ZNF211: variants seen among roughly 807,000 people sequenced by gnomAD.
ZNF211 encodes the protein zinc finger protein 211, also known as zinc finger protein C2H2-25.
Under a neutral mutation model 12.1 loss-of-function variants are expected in ZNF211, and 18 were observed. The ratio of observed to expected loss-of-function variants is 1.48; its 90% CI spans 1.03 to 2.20. The LOEUF is 2.20. ZNF211 is among the 30% of genes most tolerant of loss of function. ZNF211 has a pLI of 0.00. For missense variants in ZNF211, 677 were observed against 703.1 expected (o/e 0.96, Z 0.42); for synonymous variants, 249 against 246.0 (o/e 1.01, Z -0.11).
rs1470157485 is a variant in ZNF211, at chr19:57,641,846, G to A, written c.1399G>A (p.Val467Met). The A allele has an allele frequency of 1.9e-6, 3 of 1,614,066 alleles. No individual in the cohort carries two copies. Among genetic ancestry groups the A allele is most frequent in the Non-Finnish European group, 1.7e-6 (2 of 1,180,036 alleles). ...RKVHTGERPY[V>M]CGECGKSFSH... ...AGTCCACACAGGGGAAAGGCCTTAT[G>A]TGTGTGGGGAATGTGGGAAATCCTT... The change falls in exon 4 of 4, where the codon GTG becomes ATG. Residue 467 changes from valine to methionine, a missense_variant. By Grantham distance (21) the Val-to-Met change is conservative. Transcript: ENST00000240731.
Position 57,633,811 on chromosome 19 carries a change from A to G in ZNF211, c.91-212A>G, listed in dbSNP as rs780270696. The G allele has an allele frequency of 3.2e-6, 5 of 1,571,824 alleles. 1 individual carries two copies. The highest frequency in any genetic ancestry group is 2.3e-5 in the East Asian group (1 of 43,616). On this transcript the variant is annotated intron_variant, in intron 1 of 3. Transcript: ENST00000240731. Reference sequence around the variant, plus strand: ...GCTGTTCAGTGGAAGAAAAGACTTTAGAGATGGATGAGGACGTTGAGGCAG... The same window carrying G: ...GCTGTTCAGTGGAAGAAAAGACTTTGGAGATGGATGAGGACGTTGAGGCAG...
In ZNF211 at chr19:57,641,121, C is replaced by T. The variant is rs1426665828; in HGVS notation, c.674C>T (p.Pro225Leu). 3.0e-5 allele frequency: 49 copies of T among 1,614,026 alleles called. No homozygotes were observed. The highest frequency in any genetic ancestry group is 4.0e-5 in the Non-Finnish European group (47 of 1,180,018). The change falls in exon 4 of 4, where the codon CCA becomes CTA. Residue 225 changes from proline (P) to leucine (L), a missense_variant. Physicochemically the swap from Pro to Leu is moderately conservative, Grantham distance 98 (BLOSUM62 -3). Coordinates refer to ENST00000240731, the MANE Select transcript of ZNF211 (RefSeq NM_006385.5). Reference sequence around the variant, plus strand: ...GACGCCACTCAAACAGGGGAGAAGCCAAATAACAGTAACAAGTGTGCGGTG... The same window carrying T: ...GACGCCACTCAAACAGGGGAGAAGCTAAATAACAGTAACAAGTGTGCGGTG... ...HQDATQTGEKPNNSNKCAVAF... is the reference protein window; with the variant it reads ...HQDATQTGEKLNNSNKCAVAF...
rs965487921 is a variant in ZNF211, at chr19:57,641,157, G to C, written c.710G>C (p.Ser237Thr). 6.2e-7 allele frequency: 1 copy of C among 1,614,080 alleles called. No individual in the cohort carries two copies. The highest frequency in any genetic ancestry group is 1.3e-5 in the African/African-American group (1 of 74,940). The stretch of plus-strand genomic sequence containing the variant: ...AACAAGTGTGCGGTGGCCTTTTACA[G>C]TGGAAAAAGTCATCACAACTGGGGA... Reference protein sequence around the residue: ...NSNKCAVAFYSGKSHHNWGKC... With the variant: ...NSNKCAVAFYTGKSHHNWGKC... Residue 237 changes from serine (S) to threonine (T), a missense_variant, in exon 4 of 4, where the codon AGT becomes ACT. Physicochemically the swap from Ser to Thr is moderately conservative, Grantham distance 58. Transcript: ENST00000240731.
chr19:57,633,538 G>A lies in ZNF211; in HGVS notation c.90+102G>A, dbSNP rs938251406. On this transcript the variant is annotated intron_variant, in intron 1 of 3. Coordinates refer to ENST00000240731, the MANE Select transcript of ZNF211 (RefSeq NM_006385.5). ...GTAGCACAGGGTCGGGGACACTGAG[G>A]CTCGTGGGTGGGGCCCCTATTTCTG... 2.1e-5 allele frequency: 32 copies of A among 1,494,414 alleles called. 1 individual carries two copies. The Middle Eastern group carries it at 1.0e-3, about 49-fold the overall frequency. 92.6% of individuals were successfully genotyped at this position (1,494,414 alleles called of 1,614,324 possible).
chr19:57,634,152 G>T, intron 2 of ZNF211, 91 bp downstream of exon 2: 1 of 1,380,098 alleles, frequency 7.2e-7, no homozygotes, highest in Non-Finnish European at 9.8e-7. Flanking sequence ...GGTGTCATGG[G>T]ACTCACCTAC....
chr19:57,638,781 G>A (rs55740457), intron 3 of ZNF211, among the ~76,000 whole-genome samples: 27,469 of 151,962 alleles, frequency 0.18, 2,652 homozygotes, highest in East Asian at 0.32. Flanking sequence ...TGTTCTATCC[G>A]CTGCTGAGAG....
Position 57,633,320 on chromosome 19 carries a change from G to GC in ZNF211, c.-24dup. 1 of 1,544,278 alleles carries GC rather than the reference G, an allele frequency of 6.5e-7. No individual in the cohort carries two copies. Among genetic ancestry groups the GC allele is most frequent in the East Asian group, 2.3e-5 (1 of 42,580 alleles). On this transcript the variant is annotated 5_prime_UTR_variant, in exon 1 of 4. Transcript: ENST00000240731. Reference sequence around the variant, plus strand: ...AGGTCTGAGGGTCGGGGGCAGAGCCGCCCGCGAGGCCGGCCTGGGGATAGC... The same window carrying GC: ...AGGTCTGAGGGTCGGGGGCAGAGCCGCCCCGCGAGGCCGGCCTGGGGATAGC...
At chr19:57,633,745 G>T in intron 1 of ZNF211, 1 of 1,533,764 alleles carries the variant, frequency 6.5e-7, no homozygotes, top group Non-Finnish European at 8.7e-7. Context: ...TTGCGCAAAC[G>T]AGAGACACCA....
At position 57,633,226 on chromosome 19, in the gene ZNF211, T is replaced by A; in HGVS notation, c.-121T>A. ...TTTTGGCTGCCCTCCCGGAGGTCCG[T>A]TCTGTCTGTCAGCCGCTTTGGTACG... On this transcript the variant is annotated 5_prime_UTR_variant, in exon 1 of 4. Transcript: ENST00000240731. 9.7e-7 allele frequency: 1 copy of A among 1,032,634 alleles called. No homozygotes were observed. The highest frequency in any genetic ancestry group is 1.3e-6 in the Non-Finnish European group (1 of 749,090). 64.0% of individuals were successfully genotyped at this position (1,032,634 alleles called of 1,614,324 possible).
chr19:57,641,607 GT>G lies in ZNF211; in HGVS notation c.1161del (p.Cys387TrpfsTer11). On this transcript the variant is annotated frameshift_variant, in exon 4 of 4. Transcript: ENST00000240731. LOFTEE classifies it low-confidence loss of function (END_TRUNC). ...TGERPYECSECGKSFSQNFSL... is the reference protein window; with the variant it reads ...TGERPYECSEXGKSFSQNFSL... ...GAAAGGCCTTATGAATGCAGCGAAT[GT>G]GGGAAATCTTTTAGCCAAAACTTTA... 6.2e-7 allele frequency: 1 copy of G among 1,613,418 alleles called. No homozygotes were observed. Among genetic ancestry groups the G allele is most frequent in the Non-Finnish European group, 8.5e-7 (1 of 1,179,538 alleles).
intron 3 of ZNF211, among the ~76,000 whole-genome samples, chr19:57,636,381 C>G (rs1187896248): frequency 6.6e-6 from 1 of 152,110 alleles, no homozygotes; most frequent in South Asian, 2.1e-4. Context: ...ACATTCAGAT[C>G]TTTGATCTGT....
rs1418793505 is a variant in ZNF211, at chr19:57,640,737, C to T, written c.290C>T (p.Pro97Leu). 1 of 1,614,076 alleles carries T rather than the reference C, an allele frequency of 6.2e-7. No homozygotes were observed. Among genetic ancestry groups the T allele is most frequent in the Non-Finnish European group, 8.5e-7 (1 of 1,180,032 alleles). The part of the protein sequence containing the change: ...CWCGVEHEET[P>L]SEQRISGERV... ...TGTGGAGTGGAACATGAGGAAACAC[C>T]TTCTGAACAGAGAATTTCTGGAGAA... Residue 97 changes from proline (P) to leucine (L), a missense_variant, in exon 4 of 4, where the codon CCT becomes CTT. Coordinates refer to ENST00000240731, the MANE Select transcript of ZNF211 (RefSeq NM_006385.5).
intron 3 of ZNF211, chr19:57,639,970 TG>T (rs34418076): frequency 0.34 from 523,880 of 1,535,626 alleles, 94,738 homozygotes; most frequent in Non-Finnish European, 0.38. Context: ...AAGTGCCCTC[TG>T]TTCTTCACAG....
At chr19:57,638,977 TTTTTGATTTAAAATCTCTATTGTATGA>T (rs1231135334) in intron 3 of ZNF211, among the ~76,000 whole-genome samples, 1 of 152,218 alleles carries the variant, frequency 6.6e-6, no homozygotes, top group Admixed American at 6.5e-5. Flanking sequence ...CTTGTTACCC[TTTTTGATTTAAAATCTCTATTGTATGA>T]TATTAATGTA....
intron 3 of ZNF211, among the ~76,000 whole-genome samples, chr19:57,636,395 GAATT>G (rs1039798511): frequency 3.3e-5 from 5 of 151,798 alleles, no homozygotes; most frequent in South Asian, 4.2e-4. Flanking sequence ...GATCTGTTTT[GAATT>G]AATTTTTATA....
chr19:57,639,454 C>G (rs1239308824), intron 3 of ZNF211, among the ~76,000 whole-genome samples: 1 of 98,268 alleles, frequency 1.0e-5, no homozygotes, highest in Non-Finnish European at 1.8e-5. Context: ...GTGTCTCACT[C>G]TGTTGCCCAG....
intron 3 of ZNF211, among the ~76,000 whole-genome samples, chr19:57,638,508 T>C (rs771716766): frequency 6.6e-6 from 1 of 152,206 alleles, no homozygotes. Flanking sequence ...TTTTTCAATA[T>C]TGTATTAATT....
chr19:57,640,437 A>T (rs1176450358), intron 3 of ZNF211, among the ~76,000 whole-genome samples: 1 of 152,236 alleles, frequency 6.6e-6, no homozygotes, highest in African/African-American at 2.4e-5. Flanking sequence ...AAAAGCTATT[A>T]TCAGAAGAAT....
Position 57,641,339 on chromosome 19 carries a change from TATGAATGCA to T in ZNF211, c.900_908del (p.Asn301_Cys303del). The T allele has an allele frequency of 6.2e-7, 1 of 1,614,210 alleles. No homozygotes were observed. Among genetic ancestry groups the T allele is most frequent in the East Asian group, 2.2e-5 (1 of 44,888 alleles). On this transcript the variant is annotated inframe_deletion, in exon 4 of 4. Coordinates refer to ENST00000240731, the MANE Select transcript of ZNF211 (RefSeq NM_006385.5). ...GAAAGTCCACAGTGAAGAAAGGCCT[TATGAATGCA>T]ATGAATGTGGAAAATTCTTTACCTA...
Sources: gnomAD v4.1 joint callset for allele counts (sites outside exome capture counted in the v4.1 genomes callset) on GRCh38, gnomAD v4.1.1 for gene constraint, MANE v1.5 for transcripts, NCBI Gene and HGNC (gene_info 2026-07-23, HGNC 2026-07-21) for gene names.